Variants in SIDT1 observed in about 807,000 individuals in gnomAD.
SIDT1 encodes the protein SID1 transmembrane family, member 1.
SIDT1 carries 101 observed loss-of-function variants against 107.5 expected under a neutral mutation model. The ratio of observed to expected loss-of-function variants is 0.94; its 90% CI spans 0.80 to 1.11. The LOEUF (loss-of-function observed/expected upper bound fraction) is 1.11, where lower values mean the gene tolerates loss of function less well. Ranked by LOEUF, SIDT1 falls within the 50% of genes least tolerant of loss-of-function variation. The probability of loss-of-function intolerance (pLI) is 0.00; values close to 1 mark genes in which losing one functional copy is unlikely to be tolerated. For missense variants in SIDT1, 1,076 were observed against 1,058.2 expected, an observed-to-expected ratio of 1.02 and a Z score of -0.23; for synonymous variants, 395 against 398.2, an observed-to-expected ratio of 0.99 and a Z score of 0.10.
chr3:113,623,842 T>C (rs1308580456), intron 23 of SIDT1, 109 bp downstream of exon 23: 1 of 720,838 alleles, frequency 1.4e-6, no homozygotes, highest in Non-Finnish European at 2.4e-6. Flanking sequence ...AAATGAAAGT[T>C]TTCTCTACCA....
intron 1 of SIDT1, among the ~76,000 whole-genome samples, chr3:113,534,890 A>T (rs1937929678): frequency 6.6e-6 from 1 of 152,148 alleles, no homozygotes; most frequent in Admixed American, 6.5e-5. Context: ...CACCTGGTTG[A>T]CTTCCCTAGT....
rs1295121532 is a variant in SIDT1, at chr3:113,567,540, A to C, written c.345A>C (p.Leu115=). The C allele has an allele frequency of 6.2e-7, 1 of 1,610,216 alleles. No individual in the cohort carries two copies. Residue 115 remains leucine, a splice_region_variant and synonymous_variant, in exon 3 of 25, where the codon CTA becomes CTC. Transcript: ENST00000264852. The part of the protein sequence containing the change: ...SWQVPLLFQG[L]YQRSYNYQEV... ...TTTTCCCCTATATTGGCTGCTTCAG[A>C]TACCAGAGGAGCTACAACTATCAAG...
chr3:113,558,499 G>A (rs943578912), intron 1 of SIDT1, among the ~76,000 whole-genome samples: 1 of 152,164 alleles, frequency 6.6e-6, no homozygotes, highest in Admixed American at 6.5e-5. Flanking sequence ...TATTTGCATA[G>A]CAAACAGCCT....
intron 15 of SIDT1, 81 bp downstream of exon 15, chr3:113,607,195 A>G (rs1945398207): frequency 2.1e-6 from 2 of 936,562 alleles, no homozygotes; most frequent in South Asian, 3.0e-5. Flanking sequence ...TTTTAAAAAT[A>G]CTAAAAACAA....
chr3:113,550,715 A>T (rs999676568), intron 1 of SIDT1, among the ~76,000 whole-genome samples: 4 of 152,100 alleles, frequency 2.6e-5, no homozygotes, highest in Admixed American at 1.3e-4. Flanking sequence ...CCTTTAAAAA[A>T]ATTTTTTTAA....
chr3:113,609,118 A>C (rs1031172034), intron 17 of SIDT1, among the ~76,000 whole-genome samples: 3 of 127,458 alleles, frequency 2.4e-5, no homozygotes, highest in African/African-American at 9.1e-5. Context: ...GCTGGAGTGC[A>C]GTGGCATGAT....
chr3:113,629,026 A>G lies in SIDT1; in HGVS notation c.*1318A>G, dbSNP rs1184426866. On this transcript the variant is annotated 3_prime_UTR_variant, in exon 25 of 25. Coordinates refer to ENST00000264852, the MANE Select transcript of SIDT1 (RefSeq NM_017699.3). ...TTGCCTGGAGTATGACGTAATCAGA[A>G]AATAGACGTATAAATGTGCACATGC... 2 of 152,222 alleles carry G rather than the reference A, an allele frequency of 1.3e-5. No individual in the cohort carries two copies. The highest frequency in any genetic ancestry group is 2.9e-5 in the Non-Finnish European group (2 of 68,038). The allele number at this position is 152,222 out of a possible 1,614,324, so 9.4% of individuals were successfully genotyped here.
At chr3:113,543,886 T>C (rs1426302501) in intron 1 of SIDT1, among the ~76,000 whole-genome samples, 1 of 152,240 alleles carries the variant, frequency 6.6e-6, no homozygotes, top group East Asian at 1.9e-4. Context: ...TGAGAGTAAG[T>C]TGCAGACATG....
chr3:113,594,670 T>C (rs1944409547), intron 10 of SIDT1, among the ~76,000 whole-genome samples: 2 of 152,094 alleles, frequency 1.3e-5, no homozygotes. Context: ...GAAAATTAGC[T>C]AAGAGCTGGA....
At chr3:113,601,540 T>C in intron 10 of SIDT1, 48 bp from the exon 11 acceptor site, 1 of 1,313,202 alleles carries the variant, frequency 7.6e-7, no homozygotes. Context: ...TGTTGTTTTG[T>C]TTTAGCAACT....
chr3:113,532,594 C>A lies in SIDT1; in HGVS notation c.-428C>A. The A allele has an allele frequency of 6.2e-6, 1 of 160,176 alleles. No individual in the cohort carries two copies. The highest frequency in any genetic ancestry group is 1.8e-4 in the East Asian group (1 of 5,566). 9.9% of individuals were successfully genotyped at this position (160,176 alleles called of 1,614,324 possible). ...CCGAATTTCCTCCTCGATGTGGCGT[C>A]AGGTTGACTTTTCGAGACTAGCGGG... On this transcript the variant is annotated 5_prime_UTR_variant, in exon 1 of 25. Transcript: ENST00000264852.
chr3:113,558,843 G>A (rs896925056), intron 1 of SIDT1, among the ~76,000 whole-genome samples: 1 of 152,162 alleles, frequency 6.6e-6, no homozygotes, highest in African/African-American at 2.4e-5. Flanking sequence ...TAAATTTGAT[G>A]TTTATCATTT....
In SIDT1 at chr3:113,551,860, G is replaced by A. The variant is rs138902898; in HGVS notation, c.223-14560G>A. ...GTGTGTGTGTGTGTGTGTGTAGTGT[G>A]TGTGTTTTATTTTCATCAATGCTGG... On this transcript the variant is annotated intron_variant, in intron 1 of 24. Coordinates refer to ENST00000264852, the MANE Select transcript of SIDT1 (RefSeq NM_017699.3). 7.3e-3 allele frequency among the ~76,000 whole-genome samples: 1,115 copies of A among 151,932 alleles called. 12 individuals carry two copies. The highest frequency in any genetic ancestry group is 0.017 in the African/African-American group (709 of 41,390).
chr3:113,582,098 A>G (rs758828628), intron 6 of SIDT1, among the ~76,000 whole-genome samples: 1 of 152,212 alleles, frequency 6.6e-6, no homozygotes, highest in Non-Finnish European at 1.5e-5. Context: ...TACCAGTAAC[A>G]GTAAGCAAAT....
Position 113,611,044 on chromosome 3 carries a change from T to C in SIDT1, c.1757T>C (p.Met586Thr), listed in dbSNP as rs1431057859. 12 of 1,614,054 alleles carry C rather than the reference T, an allele frequency of 7.4e-6. No individual in the cohort carries two copies. Among genetic ancestry groups the C allele is most frequent in the Admixed American group, 5.0e-5 (3 of 59,992 alleles). Residue 586 changes from methionine (M) to threonine (T), a missense_variant, in exon 18 of 25, where the codon ATG becomes ACG. Physicochemically the swap from Met to Thr is moderately conservative, Grantham distance 81 (BLOSUM62 -1). Coordinates refer to ENST00000264852, the MANE Select transcript of SIDT1 (RefSeq NM_017699.3). ...SFMYMIAGLC[M>T]LKLYQTRHPD... ...ATGTACATGATCGCTGGCCTGTGCA[T>C]GCTGAAGCTCTATCAGACCCGCCAC...
Position 113,576,939 on chromosome 3 carries a change from A to G in SIDT1, c.533A>G (p.His178Arg), listed in dbSNP as rs560378317. The G allele has an allele frequency of 6.2e-7, 1 of 1,614,036 alleles. No homozygotes were observed. Among genetic ancestry groups the G allele is most frequent in the Non-Finnish European group, 8.5e-7 (1 of 1,179,996 alleles). Reference sequence around the variant, plus strand: ...TTTCTCAGGACAAATGTTGCCTTTCACTTTACTGCCAGCCCCTCTCAACCT... The same window carrying G: ...TTTCTCAGGACAAATGTTGCCTTTCGCTTTACTGCCAGCCCCTCTCAACCT... ...HFQLRTNVAF[H>R]FTASPSQPQY... The change falls in exon 4 of 25, where the codon CAC (histidine) becomes CGC (arginine). Residue 178 changes from histidine to arginine, a missense_variant. Coordinates refer to ENST00000264852, the MANE Select transcript of SIDT1 (RefSeq NM_017699.3).
downstream of SIDT1, among the ~76,000 whole-genome samples, chr3:113,630,789 G>A (rs897678029): frequency 6.6e-6 from 1 of 152,144 alleles, no homozygotes; most frequent in East Asian, 1.9e-4. Context: ...AGGGTACCAG[G>A]AGCAGTGCTC....
Position 113,567,770 on chromosome 3 carries a change from C to T in SIDT1, c.515+60C>T, listed in dbSNP as rs1389484290. ...TTCCTGTGCTTGTGGATGCTCAATTCATCTTCCATCCTTACAGACTGGTAC... is the reference window on the plus strand; with the variant it reads ...TTCCTGTGCTTGTGGATGCTCAATTTATCTTCCATCCTTACAGACTGGTAC... On this transcript the variant is annotated intron_variant, in intron 3 of 24. Coordinates refer to ENST00000264852, the MANE Select transcript of SIDT1 (RefSeq NM_017699.3). 36 of 1,519,644 alleles carry T rather than the reference C, an allele frequency of 2.4e-5. No homozygotes were observed. In the East Asian group the frequency reaches 7.4e-4, roughly 31 times the overall value. 94.1% of individuals were successfully genotyped at this position (1,519,644 alleles called of 1,614,324 possible).
rs770078832 is a variant in SIDT1 at position 113,612,242 on chromosome 3, GA to G, written c.1966+53del. On this transcript the variant is annotated intron_variant, in intron 19 of 24. Transcript: ENST00000264852. ...ACTAATCACACGAATCAACTTTAAT[GA>G]AAAAGCAGACACTGCCTTTACTTAT... The G allele has an allele frequency of 2.6e-5, 34 of 1,332,244 alleles. No individual in the cohort carries two copies. In the South Asian group the frequency reaches 4.0e-4, roughly 16 times the overall value. The allele number at this position is 1,332,244 out of a possible 1,614,324, so 82.5% of individuals were successfully genotyped here.
Sources: gnomAD v4.1 joint callset for allele counts (sites outside exome capture counted in the v4.1 genomes callset) on GRCh38, gnomAD v4.1.1 for gene constraint, MANE v1.5 for transcripts, NCBI Gene and HGNC (gene_info 2026-07-23, HGNC 2026-07-21) for gene names.